Variants in PCCA observed in about 807,000 individuals in gnomAD.
PCCA encodes propionyl-CoA carboxylase alpha chain, mitochondrial.
A neutral mutation model predicts 101.3 loss-of-function variants in PCCA; 74 were observed. The observed-to-expected ratio is 0.73, with a 90% CI of 0.61 to 0.89. The LOEUF is 0.89. Among genes scored for constraint, PCCA ranks in the 40% least tolerant of loss-of-function variants. The pLI, the probability that PCCA is intolerant of heterozygous loss-of-function variation, is 0.00. For synonymous variants in PCCA, 294 were observed against 313.6 expected (o/e 0.94, Z 0.66); for missense variants, 891 against 907.0 (o/e 0.98, Z 0.23).
intron 8 of PCCA, chr13:100,236,974 C>T (rs748263992): frequency 2.0e-5 from 3 of 152,190 alleles, no homozygotes; most frequent in African/African-American, 7.2e-5. Context: ...GGGATCCCAG[C>T]GTCTTCTCAG....
intron 18 of PCCA, among the ~76,000 whole-genome samples, chr13:100,341,981 ATG>A (rs1274640338): frequency 1.7e-4 from 18 of 107,650 alleles, no homozygotes; most frequent in Non-Finnish European, 2.4e-4. Context: ...ATATATATAT[ATG>A]TATTTATGTG....
intron 18 of PCCA, among the ~76,000 whole-genome samples, chr13:100,348,783 T>TCTTTCTTC: frequency 1.8e-5 from 1 of 55,426 alleles, no homozygotes; most frequent in South Asian, 5.5e-4. Context: ...TTTCTTTCTT[T>TCTTTCTTC]CTTTCTTCCT....
intron 6 of PCCA, among the ~76,000 whole-genome samples, chr13:100,179,099 T>A (rs1297169881): frequency 3.4e-5 from 5 of 148,510 alleles, no homozygotes; most frequent in Non-Finnish European, 6.0e-5. Flanking sequence ...AAAATATATA[T>A]ATATATATAT....
intron 19 of PCCA, among the ~76,000 whole-genome samples, chr13:100,425,368 G>C (rs940849368): frequency 1.3e-5 from 2 of 152,188 alleles, no homozygotes; most frequent in African/African-American, 4.8e-5. Flanking sequence ...GATAGGTTTC[G>C]AGTTAGAAGG....
At chr13:100,228,478 G>A (rs901715794) in intron 7 of PCCA, among the ~76,000 whole-genome samples, 1 of 152,104 alleles carries the variant, frequency 6.6e-6, no homozygotes, top group Non-Finnish European at 1.5e-5. Flanking sequence ...ATAGATGTGA[G>A]AGCTGTCTTA....
At chr13:100,196,175 A>G (rs2058090602) in intron 6 of PCCA, among the ~76,000 whole-genome samples, 1 of 152,170 alleles carries the variant, frequency 6.6e-6, no homozygotes, top group Non-Finnish European at 1.5e-5. Context: ...GTTTGTTGAA[A>G]TGGTTTTTAT....
chr13:100,504,019 C>G (rs932001517), intron 21 of PCCA, among the ~76,000 whole-genome samples: 1 of 152,176 alleles, frequency 6.6e-6, no homozygotes. Flanking sequence ...TAAAAATTGA[C>G]ATTACCGAAG....
chr13:100,109,304 A>G (rs2048096637), intron 2 of PCCA, among the ~76,000 whole-genome samples: 1 of 152,314 alleles, frequency 6.6e-6, no homozygotes, highest in African/African-American at 2.4e-5. Context: ...CAGGACACAC[A>G]GGAGGAGAAC....
intron 6 of PCCA, among the ~76,000 whole-genome samples, chr13:100,169,881 G>A (rs190464260): frequency 1.3e-5 from 2 of 152,182 alleles, no homozygotes; most frequent in East Asian, 3.9e-4. Flanking sequence ...TGTATTTTTA[G>A]TAGAGACGGA....
chr13:100,097,398 T>C (rs556994415), intron 1 of PCCA, among the ~76,000 whole-genome samples: 1 of 152,198 alleles, frequency 6.6e-6, no homozygotes, highest in East Asian at 1.9e-4. Context: ...GTGAATTTTA[T>C]GGTATGTGAA....
At chr13:100,398,198 A>G (rs757156092) in intron 19 of PCCA, among the ~76,000 whole-genome samples, 2 of 152,172 alleles carry the variant, frequency 1.3e-5, no homozygotes, top group Non-Finnish European at 2.9e-5. Flanking sequence ...GCTCCGTGCC[A>G]TTTTATTTCA....
intron 22 of PCCA, among the ~76,000 whole-genome samples, chr13:100,522,302 A>G (rs2087364793): frequency 6.6e-6 from 1 of 152,170 alleles, no homozygotes; most frequent in Non-Finnish European, 1.5e-5. Flanking sequence ...TGCAGTTTCT[A>G]ATGTCATGTG....
intron 6 of PCCA, among the ~76,000 whole-genome samples, chr13:100,206,767 G>A (rs913865887): frequency 2.0e-5 from 3 of 152,174 alleles, no homozygotes; most frequent in African/African-American, 7.2e-5. Flanking sequence ...CTTCCCTGAA[G>A]CAGGTCCTAA....
chr13:100,278,223 A>G (rs1431354745), intron 12 of PCCA, among the ~76,000 whole-genome samples: 4 of 152,232 alleles, frequency 2.6e-5, no homozygotes, highest in Non-Finnish European at 5.9e-5. Context: ...TTATTTTGTC[A>G]TAATGAGAAA....
intron 16 of PCCA, among the ~76,000 whole-genome samples, chr13:100,318,347 C>G (rs1343014704): frequency 6.6e-6 from 1 of 152,058 alleles, no homozygotes; most frequent in Admixed American, 6.6e-5. Context: ...CTGTCTCTCT[C>G]TCTCTTTTAA....
rs374261158 is a variant in PCCA, at chr13:100,310,978, G to A, written c.1429+1070G>A. Among the ~76,000 whole-genome samples the A allele has an allele frequency of 1.1e-3, 167 of 152,184 alleles. 5 individuals carry two copies. The South Asian group carries it at 0.028, about 26-fold the overall frequency. ...TGGCCAAGCACGGTGGCTCACACCC[G>A]TAATCCTAGCACTTTGGGAGGCTGA... On this transcript the variant is annotated intron_variant, in intron 16 of 23. Transcript: ENST00000376285.
chr13:100,121,951 C>A (rs1043889982), intron 4 of PCCA, among the ~76,000 whole-genome samples: 3 of 152,186 alleles, frequency 2.0e-5, no homozygotes, highest in Non-Finnish European at 2.9e-5. Context: ...GGAAAGCATT[C>A]AGCATTTCAC....
chr13:100,228,885 G>C (rs2060304500), intron 7 of PCCA, among the ~76,000 whole-genome samples: 1 of 140,328 alleles, frequency 7.1e-6, no homozygotes, highest in Non-Finnish European at 1.5e-5. Flanking sequence ...GGGTAACACA[G>C]TGAGACTCTT....
intron 19 of PCCA, among the ~76,000 whole-genome samples, chr13:100,412,061 G>C (rs2078086586): frequency 6.6e-6 from 1 of 152,130 alleles, no homozygotes; most frequent in African/African-American, 2.4e-5. Flanking sequence ...CATTATTAGG[G>C]CTATTAGAAT....
Sources: gnomAD v4.1 joint callset for allele counts (sites outside exome capture counted in the v4.1 genomes callset) on GRCh38, gnomAD v4.1.1 for gene constraint, MANE v1.5 for transcripts, NCBI Gene and HGNC (gene_info 2026-07-23, HGNC 2026-07-21) for gene names.